COX14: variants seen among roughly 807,000 people sequenced by gnomAD.
The protein encoded by COX14 is cytochrome c oxidase assembly protein COX14.
COX14 carries 3 observed loss-of-function variants against 5.8 expected under a neutral mutation model. That is an observed-to-expected ratio of 0.51 (90% CI 0.23 to 1.33). The LOEUF (loss-of-function observed/expected upper bound fraction) is 1.33, where lower values mean the gene tolerates loss of function less well. Ranked by LOEUF, COX14 falls within the 40% of genes most tolerant of loss-of-function variation. COX14 has a pLI of 0.18. For missense variants in COX14, 72 were observed against 72.1 expected, an observed-to-expected ratio of 1.00 and a Z score of 0.01; for synonymous variants, 25 against 26.1, an observed-to-expected ratio of 0.96 and a Z score of 0.13.
At chr12:50,119,207 T>C (rs1951108637) in intron 1 of COX14, among the ~76,000 whole-genome samples, 1 of 152,236 alleles carries the variant, frequency 6.6e-6, no homozygotes, top group African/African-American at 2.4e-5. Flanking sequence ...AAACAAGCTT[T>C]AGTGTTGACT....
At chr12:50,115,666 C>G (rs991889855) in intron 1 of COX14, among the ~76,000 whole-genome samples, 5 of 151,992 alleles carry the variant, frequency 3.3e-5, no homozygotes, top group Non-Finnish European at 7.4e-5. Flanking sequence ...ATCCTCCAAC[C>G]TCAGCCTCTT....
chr12:50,118,507 G>T, intron 1 of COX14: 1 of 854,218 alleles, frequency 1.2e-6, no homozygotes, highest in Non-Finnish European at 1.4e-6. Context: ...GGTGGCTCAC[G>T]CCGTAATCCC....
At chr12:50,112,449 C>A (rs1220340517) in intron 1 of COX14, 148 bp downstream of exon 1, 1 of 985,936 alleles carries the variant, frequency 1.0e-6, no homozygotes, top group Non-Finnish European at 1.2e-6. Flanking sequence ...CGTTGCGGAC[C>A]GCGAGCTGCA....
At position 50,120,022 on chromosome 12, in the gene COX14, ATC is replaced by A; in HGVS notation, c.-8-12_-8-11del. 1.2e-6 allele frequency: 2 copies of A among 1,611,704 alleles called. No homozygotes were observed. The highest frequency in any genetic ancestry group is 1.1e-5 in the South Asian group (1 of 91,042). On this transcript the variant is annotated splice_polypyrimidine_tract_variant and intron_variant, in intron 1 of 1. Transcript: ENST00000550487. ...GGCCTTATCCTCAGGTCTAAATTCA[ATC>A]TGTCTTTGTAGGGGACAAGATGCCA... is the stretch of plus-strand genomic sequence containing the variant.
chr12:50,120,400 A>T lies in COX14; in HGVS notation c.*183A>T, dbSNP rs918637917. On this transcript the variant is annotated 3_prime_UTR_variant, in exon 2 of 2. Transcript: ENST00000550487. ...CAGTTTATGGAGGCTTTTGAATCGTAATAGCAATGTGAGGGTGAGGTACAC... is the reference window on the plus strand; with the variant it reads ...CAGTTTATGGAGGCTTTTGAATCGTTATAGCAATGTGAGGGTGAGGTACAC... 6.8e-6 allele frequency: 4 copies of T among 583,950 alleles called. No individual in the cohort carries two copies. The highest frequency in any genetic ancestry group is 1.2e-5 in the Non-Finnish European group (4 of 322,498). The allele number at this position is 583,950 out of a possible 1,614,324, so 36.2% of individuals were successfully genotyped here. A position where few individuals can be genotyped will look rare whatever the true frequency, so the allele number is the denominator to read the frequency against.
intron 1 of COX14, among the ~76,000 whole-genome samples, chr12:50,117,744 A>ATT (rs35207153): frequency 4.4e-5 from 5 of 113,392 alleles, no homozygotes; most frequent in African/African-American, 7.4e-5. Flanking sequence ...CGCTGGGCTA[A>ATT]TTTTTTTTTT....
At chr12:50,114,513 A>G (rs564707355) in intron 1 of COX14, among the ~76,000 whole-genome samples, 1 of 152,118 alleles carries the variant, frequency 6.6e-6, no homozygotes, top group African/African-American at 2.4e-5. Context: ...CGGCTTCCCA[A>G]AGTGCTGGGA....
chr12:50,120,171 C>A lies in COX14; in HGVS notation c.128C>A (p.Ala43Asp). Residue 43 changes from alanine to aspartate, a missense_variant, in exon 2 of 2, where the codon GCC becomes GAC. Ala to Asp is a moderately radical substitution (Grantham distance 126, BLOSUM62 -2). Coordinates refer to ENST00000550487, the MANE Select transcript of COX14 (RefSeq NM_032901.4). ...RVYHYFQWRR[A>D]QRQAAEEQKT... is the part of the protein sequence containing the mutation. The stretch of plus-strand genomic sequence containing the variant: ...TACCACTATTTCCAGTGGCGCAGGG[C>A]CCAGCGCCAGGCCGCAGAAGAACAG... 6.2e-7 allele frequency: 1 copy of A among 1,614,146 alleles called. No individual in the cohort carries two copies. Among genetic ancestry groups the A allele is most frequent in the African/African-American group, 1.3e-5 (1 of 75,018 alleles).
At chr12:50,113,331 T>C (rs71464995) in intron 1 of COX14, among the ~76,000 whole-genome samples, 4,365 of 146,372 alleles carry the variant, frequency 0.03, 106 homozygotes, top group Middle Eastern at 0.046. Flanking sequence ...TGAGACGGAG[T>C]CTTGCTCTGT....
rs764794729 is a variant in COX14 at position 50,120,248 on chromosome 12, G to C, written c.*31G>C. 1.3e-6 allele frequency: 2 copies of C among 1,590,250 alleles called. No individual in the cohort carries two copies. The highest frequency in any genetic ancestry group is 1.3e-5 in the African/African-American group (1 of 74,252). On this transcript the variant is annotated 3_prime_UTR_variant, in exon 2 of 2. Transcript: ENST00000550487. ...GGGGGCTTTTTCTCCTGAGCAGAGA[G>C]GCCCAAGGCATGCTGTGGAGAGACT...
intron 1 of COX14, 71 bp from the exon 2 acceptor site, chr12:50,119,965 G>T (rs1951115405): frequency 2.5e-6 from 3 of 1,200,588 alleles, no homozygotes; most frequent in South Asian, 1.2e-5. Context: ...TTATGGAATG[G>T]CGTTAAACAG....
At chr12:50,114,219 GAAAA>G (rs36117795) in intron 1 of COX14, among the ~76,000 whole-genome samples, 2 of 82,890 alleles carry the variant, frequency 2.4e-5, no homozygotes, top group East Asian at 6.0e-4. Context: ...GTAGTTAAAT[GAAAA>G]AAAAAAAAAA....
chr12:50,120,183 C>G lies in COX14; in HGVS notation c.140C>G (p.Ala47Gly). The G allele has an allele frequency of 6.2e-7, 1 of 1,614,142 alleles. No homozygotes were observed. The highest frequency in any genetic ancestry group is 1.1e-5 in the South Asian group (1 of 91,076). The change falls in exon 2 of 2, where the codon GCC (alanine) becomes GGC (glycine). Residue 47 changes from alanine (A) to glycine (G), a missense_variant. Coordinates refer to ENST00000550487, the MANE Select transcript of COX14 (RefSeq NM_032901.4). ...CAGTGGCGCAGGGCCCAGCGCCAGG[C>G]CGCAGAAGAACAGAAGACCTCAGGA... ...YFQWRRAQRQ[A>G]AEEQKTSGIM
intron 1 of COX14, among the ~76,000 whole-genome samples, chr12:50,114,751 T>C (rs1951063597): frequency 6.7e-6 from 1 of 149,832 alleles, no homozygotes; most frequent in Non-Finnish European, 1.5e-5. Context: ...ATCACATGAA[T>C]GTTGTGTTGA....
chr12:50,115,743 G>A lies in COX14; in HGVS notation c.-9+3442G>A, dbSNP rs936026664. Reference sequence around the variant, plus strand: ...ATTTTTGTATTTTTTGTAGAGACAGGGTTTCACCATGTTGCCCAGGCTGGT... The same window carrying A: ...ATTTTTGTATTTTTTGTAGAGACAGAGTTTCACCATGTTGCCCAGGCTGGT... On this transcript the variant is annotated intron_variant, in intron 1 of 1. Coordinates refer to ENST00000550487, the MANE Select transcript of COX14 (RefSeq NM_032901.4). Among the ~76,000 whole-genome samples, 9 of 151,646 alleles carry A rather than the reference G, an allele frequency of 5.9e-5. No individual in the cohort carries two copies. The East Asian group carries it at 1.4e-3, about 23-fold the overall frequency.
chr12:50,114,804 G>T (rs551045590), intron 1 of COX14, among the ~76,000 whole-genome samples: 88 of 84,324 alleles, frequency 1.0e-3, no homozygotes, highest in Non-Finnish European at 1.7e-3. Context: ...TTTTTTTTGA[G>T]ATGGAGTCTC....
intron 1 of COX14, among the ~76,000 whole-genome samples, chr12:50,117,452 A>T (rs890168188): frequency 6.6e-6 from 1 of 152,132 alleles, no homozygotes; most frequent in Non-Finnish European, 1.5e-5. Flanking sequence ...AAAAACTAAA[A>T]ATAGGGCCCT....
rs1256561153 is a variant in COX14 at position 50,118,421 on chromosome 12, C to G, written c.-8-1615C>G. ...AGTCTTCGTGCAGCTTGCACATACC[C>G]CAACCCCGTCCTTGATGGACATCAT... On this transcript the variant is annotated intron_variant, in intron 1 of 1. Coordinates refer to ENST00000550487, the MANE Select transcript of COX14 (RefSeq NM_032901.4). The G allele has an allele frequency of 9.1e-6, 9 of 985,070 alleles. No homozygotes were observed. In the Admixed American group the frequency reaches 1.8e-4, roughly 20 times the overall value. 61.0% of individuals were successfully genotyped at this position (985,070 alleles called of 1,614,324 possible). A position where few individuals can be genotyped will look rare whatever the true frequency, so the allele number is the denominator to read the frequency against.
At chr12:50,114,975 C>G (rs1034635539) in intron 1 of COX14, among the ~76,000 whole-genome samples, 20 of 150,480 alleles carry the variant, frequency 1.3e-4, no homozygotes, top group Non-Finnish European at 2.4e-4. Flanking sequence ...ACCATGTTGG[C>G]CAGGATGGTC....
Sources: gnomAD v4.1 joint callset for allele counts (sites outside exome capture counted in the v4.1 genomes callset) on GRCh38, gnomAD v4.1.1 for gene constraint, MANE v1.5 for transcripts, NCBI Gene and HGNC (gene_info 2026-07-23, HGNC 2026-07-21) for gene names.